CALM2: variants seen among roughly 807,000 people sequenced by gnomAD.
CALM2 encodes calmodulin-2.
In CALM2, 2 loss-of-function variants were observed where a neutral mutation model predicts 19.8. That is an observed-to-expected ratio of 0.10 (90% CI 0.04 to 0.32). The LOEUF (loss-of-function observed/expected upper bound fraction) is 0.32, where lower values mean the gene tolerates loss of function less well. Ranked by LOEUF, CALM2 falls within the 10% of genes least tolerant of loss-of-function variation. The probability of loss-of-function intolerance (pLI) is 1.00; values close to 1 mark genes in which losing one functional copy is unlikely to be tolerated. For synonymous variants in CALM2, 51 were observed against 52.1 expected (o/e 0.98, Z 0.09); for missense variants, 38 against 178.7 (o/e 0.21, Z 4.49).
chr2:47,172,218 G>A, intron 1 of CALM2: 1 of 305,084 alleles, frequency 3.3e-6, no homozygotes, highest in East Asian at 8.7e-5. Flanking sequence ...CATTACTTCA[G>A]TTTATTGCAT....
rs781438828 is a variant in CALM2, at chr2:47,176,489, A to C, written c.-46T>G. On this transcript the variant is annotated 5_prime_UTR_variant, in exon 1 of 6. Coordinates refer to ENST00000272298, the MANE Select transcript of CALM2 (RefSeq NM_001743.6). The stretch of plus-strand genomic sequence containing the variant: ...CCGAGACGCGACCACACAACCACTC[A>C]GCTCGCTCTCTCCACTCGGACTAAT... 1.4e-5 allele frequency: 22 copies of C among 1,612,516 alleles called. No individual in the cohort carries two copies. In the East Asian group the frequency reaches 3.3e-4, roughly 25 times the overall value.
At chr2:47,164,715 G>C (rs1666405483) in intron 2 of CALM2, among the ~76,000 whole-genome samples, 2 of 151,998 alleles carry the variant, frequency 1.3e-5, no homozygotes, top group African/African-American at 4.8e-5. Flanking sequence ...GAAAATATTA[G>C]ACCCTATCAG....
intron 2 of CALM2, among the ~76,000 whole-genome samples, chr2:47,166,732 T>C (rs1666486908): frequency 6.6e-6 from 1 of 152,226 alleles, no homozygotes; most frequent in African/African-American, 2.4e-5. Context: ...GTAATCTTTA[T>C]GTATAGAAGC....
intron 1 of CALM2, among the ~76,000 whole-genome samples, chr2:47,175,121 G>C (rs1252497419): frequency 9.6e-5 from 11 of 114,338 alleles, no homozygotes; most frequent in Non-Finnish European, 1.6e-5. Flanking sequence ...TGATCTCCCA[G>C]TCTGAGGTGA....
chr2:47,173,066 A>C (rs995213865), intron 1 of CALM2: 2 of 152,166 alleles, frequency 1.3e-5, no homozygotes, highest in African/African-American at 4.8e-5. Context: ...ACATAACCTG[A>C]AAGCTCTCAA....
At chr2:47,162,917 T>C (rs1225453784) in intron 2 of CALM2, 1 of 341,278 alleles carries the variant, frequency 2.9e-6, no homozygotes, top group African/African-American at 2.1e-5. Flanking sequence ...TATGATACCT[T>C]ATGATAATAT....
At chr2:47,169,250 G>C (rs1463310214) in intron 2 of CALM2, among the ~76,000 whole-genome samples, 1 of 152,140 alleles carries the variant, frequency 6.6e-6, no homozygotes, top group Non-Finnish European at 1.5e-5. Flanking sequence ...AAGAGTGAAA[G>C]TATTAGACAG....
chr2:47,162,193 A>ACC lies in CALM2; in HGVS notation c.285+92_285+93insGG, dbSNP rs1231396882. The ACC allele has an allele frequency of 6.0e-5, 30 of 503,006 alleles. 1 individual carries two copies. Among genetic ancestry groups the ACC allele is most frequent in the Non-Finnish European group, 8.3e-5 (25 of 302,868 alleles). The allele number at this position is 503,006 out of a possible 1,614,324, so 31.2% of individuals were successfully genotyped here. ...CATCAAAAAAAAAAAAAAAAAAAAA[A>ACC]AAAAAAACAACCAAAAAAACACAAG... is the stretch of plus-strand genomic sequence containing the variant. On this transcript the variant is annotated intron_variant, in intron 4 of 5. Transcript: ENST00000272298.
At chr2:47,171,518 T>A (rs916628994) in intron 1 of CALM2, 7 of 152,208 alleles carry the variant, frequency 4.6e-5, no homozygotes, top group African/African-American at 1.7e-4. Flanking sequence ...AGAAAATTAG[T>A]AGAACAAAGA....
chr2:47,170,656 C>A (rs1666636217), intron 2 of CALM2, 78 bp downstream of exon 2: 1 of 1,074,958 alleles, frequency 9.3e-7, no homozygotes, highest in Non-Finnish European at 1.5e-6. Flanking sequence ...TTATTTCATA[C>A]AAGTCTCTTA....
intron 1 of CALM2, 32 bp downstream of exon 1, chr2:47,176,409 G>C: frequency 1.2e-6 from 2 of 1,611,678 alleles, no homozygotes; most frequent in South Asian, 2.2e-5. Flanking sequence ...CCCCCCACAG[G>C]CCCAGCGCCG....
intron 2 of CALM2, among the ~76,000 whole-genome samples, chr2:47,168,119 C>G (rs1666548581): frequency 6.6e-6 from 1 of 152,120 alleles, no homozygotes; most frequent in Non-Finnish European, 1.5e-5. Flanking sequence ...TCAATGATTA[C>G]TATGTGGCAG....
chr2:47,162,149 TTAAAA>T (rs1393403581), intron 4 of CALM2, 132 bp downstream of exon 4: 2 of 438,286 alleles, frequency 4.6e-6, no homozygotes, highest in Non-Finnish European at 7.5e-6. Flanking sequence ...TGCTTGGTAA[TTAAAA>T]TATGTTGGTA....
chr2:47,161,069 G>C (rs773833672), intron 5 of CALM2, among the ~76,000 whole-genome samples: 1 of 152,110 alleles, frequency 6.6e-6, no homozygotes, highest in Non-Finnish European at 1.5e-5. Flanking sequence ...TCTTAGTTTA[G>C]ACTTGAATTT....
At chr2:47,161,614 GCAACCTAATTTCA>G in intron 5 of CALM2, 96 bp downstream of exon 5, 1 of 962,452 alleles carries the variant, frequency 1.0e-6, no homozygotes, top group Non-Finnish European at 1.5e-6. Flanking sequence ...AACTGTTTTA[GCAACCTAATTTCA>G]GGGGAAGGGT....
intron 2 of CALM2, among the ~76,000 whole-genome samples, chr2:47,168,590 T>G (rs768470148): frequency 6.6e-6 from 1 of 151,694 alleles, no homozygotes; most frequent in Admixed American, 6.6e-5. Flanking sequence ...AATACAAAAA[T>G]AGCCAGGTGG....
In CALM2 at chr2:47,160,143, GACTCA is replaced by G. The variant is rs1464208166; in HGVS notation, c.*628_*632del. The G allele has an allele frequency of 6.6e-6, 1 of 152,498 alleles. No individual in the cohort carries two copies. Among genetic ancestry groups the G allele is most frequent in the Non-Finnish European group, 1.5e-5 (1 of 68,036 alleles). The allele number at this position is 152,498 out of a possible 1,614,324, so 9.4% of individuals were successfully genotyped here. A position where few individuals can be genotyped will look rare whatever the true frequency, so the allele number is the denominator to read the frequency against. On this transcript the variant is annotated 3_prime_UTR_variant, in exon 6 of 6. Transcript: ENST00000272298. ...AATTATTAGACTTCAACAGTTAAAT[GACTCA>G]GATGCAGAGCAACCATTGGGTAAAT... is the stretch of plus-strand genomic sequence containing the variant.
intron 1 of CALM2, chr2:47,172,613 A>G (rs1040934280): frequency 1.7e-5 from 7 of 408,904 alleles, no homozygotes; most frequent in Non-Finnish European, 2.3e-5. Flanking sequence ...TTCAATGTTA[A>G]CTTTGTTTAA....
chr2:47,170,433 T>C (rs1033810101), intron 2 of CALM2, among the ~76,000 whole-genome samples: 5 of 152,172 alleles, frequency 3.3e-5, no homozygotes, highest in Non-Finnish European at 7.3e-5. Flanking sequence ...TCCTGTTTTA[T>C]ACTAAGGTAG....
Sources: allele counts gnomAD v4.1 joint callset (sites outside exome capture counted in the v4.1 genomes callset), GRCh38; gene constraint gnomAD v4.1.1; transcripts MANE v1.5; gene names NCBI Gene and HGNC (gene_info 2026-07-23, HGNC 2026-07-21).